Variants in MAGI3 observed in about 807,000 individuals in gnomAD.
The protein encoded by MAGI3 is membrane associated guanylate kinase, WW and PDZ domain containing 3.
MAGI3 carries 43 observed loss-of-function variants against 121.8 expected under a neutral mutation model. That is an observed-to-expected ratio of 0.35 (90% confidence interval 0.28 to 0.46). MAGI3 has a LOEUF of 0.46. MAGI3 is among the 20% of genes least tolerant of loss of function. MAGI3 has a pLI of 1.00. For synonymous variants in MAGI3, 553 were observed against 639.3 expected (o/e 0.86, Z 2.04); for missense variants, 1,547 against 1,797.3 (o/e 0.86, Z 2.52).
intron 1 of MAGI3, among the ~76,000 whole-genome samples, chr1:113,542,463 G>A (rs754039359): frequency 3.2e-4 from 48 of 152,160 alleles, no homozygotes; most frequent in Non-Finnish European, 6.0e-4. Context: ...AACTGAAACC[G>A]TGGAAGACAA....
chr1:113,629,757 T>TCC (rs1553209674), intron 9 of MAGI3, among the ~76,000 whole-genome samples: 27,494 of 95,698 alleles, frequency 0.29, 3,970 homozygotes, highest in South Asian at 0.5. Context: ...TCTCTCTCTC[T>TCC]CTCTCCCTCC....
intron 1 of MAGI3, among the ~76,000 whole-genome samples, chr1:113,526,074 A>T (rs1254455979): frequency 6.6e-6 from 1 of 152,186 alleles, no homozygotes; most frequent in Non-Finnish European, 1.5e-5. Context: ...TAAAGAAAAA[A>T]ATTAGACCAA....
chr1:113,519,766 G>A (rs1201208133), intron 1 of MAGI3, among the ~76,000 whole-genome samples: 2 of 152,156 alleles, frequency 1.3e-5, no homozygotes, highest in African/African-American at 4.8e-5. Context: ...TTTTATGGAG[G>A]CTTGTCACAT....
At chr1:113,603,971 G>A (rs1482936367) in intron 6 of MAGI3, among the ~76,000 whole-genome samples, 1 of 152,052 alleles carries the variant, frequency 6.6e-6, no homozygotes, top group Non-Finnish European at 1.5e-5. Context: ...AGAGTAATAA[G>A]TCAAAAAGCA....
At chr1:113,473,842 A>G (rs1326248913) in intron 1 of MAGI3, among the ~76,000 whole-genome samples, 1 of 152,214 alleles carries the variant, frequency 6.6e-6, no homozygotes, top group African/African-American at 2.4e-5. Flanking sequence ...GAATCGCCAC[A>G]CTGTCTTCCA....
At chr1:113,600,958 A>C (rs1376154026) in intron 6 of MAGI3, among the ~76,000 whole-genome samples, 1 of 152,182 alleles carries the variant, frequency 6.6e-6, no homozygotes, top group Non-Finnish European at 1.5e-5. Flanking sequence ...TGAGAAAAAC[A>C]AGCAATGGGG....
At chr1:113,468,740 G>T (rs953370912) in intron 1 of MAGI3, among the ~76,000 whole-genome samples, 4 of 151,960 alleles carry the variant, frequency 2.6e-5, no homozygotes, top group African/African-American at 9.7e-5. Context: ...AATATATTTG[G>T]TTAAATAAAT....
At chr1:113,552,199 CT>C (rs1362493728) in intron 2 of MAGI3, among the ~76,000 whole-genome samples, 1 of 151,890 alleles carries the variant, frequency 6.6e-6, no homozygotes, top group Non-Finnish European at 1.5e-5. Context: ...ACCACCAATC[CT>C]TATGTTGTTA....
intron 1 of MAGI3, among the ~76,000 whole-genome samples, chr1:113,543,406 AG>A (rs1276047447): frequency 6.6e-6 from 1 of 152,234 alleles, no homozygotes; most frequent in Non-Finnish European, 1.5e-5. Flanking sequence ...AATTTATTTT[AG>A]TGTTTTGACT....
chr1:113,482,607 G>C (rs1410785457), intron 1 of MAGI3, among the ~76,000 whole-genome samples: 3 of 150,430 alleles, frequency 2.0e-5, no homozygotes, highest in African/African-American at 7.3e-5. Flanking sequence ...AAAGTGCTGG[G>C]CTTGAAAGTG....
intron 1 of MAGI3, among the ~76,000 whole-genome samples, chr1:113,435,294 T>C (rs1457104797): frequency 6.6e-6 from 1 of 152,130 alleles, no homozygotes; most frequent in Non-Finnish European, 1.5e-5. Flanking sequence ...TCACCAAAGA[T>C]GATTATTTTT....
At chr1:113,529,325 G>C (rs1374112815) in intron 1 of MAGI3, among the ~76,000 whole-genome samples, 3 of 152,230 alleles carry the variant, frequency 2.0e-5, no homozygotes, top group Non-Finnish European at 4.4e-5. Context: ...TGGAGGCTGG[G>C]AAGTACTAGG....
Position 113,646,581 on chromosome 1 carries a change from A to T in MAGI3, c.2094A>T (p.Gly698=). 1 of 1,613,584 alleles carries T rather than the reference A, an allele frequency of 6.2e-7. No homozygotes were observed. The highest frequency in any genetic ancestry group is 8.5e-7 in the Non-Finnish European group (1 of 1,179,674). The part of the protein sequence containing the change: ...MPFPPSIIRS[G]SPKLDPSEVY... ...TTCCACCGAGCATTATCAGGTCAGGATCCCCAAAATTGGATCCTTCTGAGG... is the reference window on the plus strand; with the variant it reads ...TTCCACCGAGCATTATCAGGTCAGGTTCCCCAAAATTGGATCCTTCTGAGG... The change falls in exon 12 of 21, where the codon GGA becomes GGT. Residue 698 remains glycine, a synonymous_variant. Transcript: ENST00000307546.
At chr1:113,397,782 CAT>C (rs1651193879) in intron 1 of MAGI3, among the ~76,000 whole-genome samples, 1 of 152,052 alleles carries the variant, frequency 6.6e-6, no homozygotes, top group Admixed American at 6.6e-5. Context: ...TCATTCCACT[CAT>C]AATGTTATAC....
intron 1 of MAGI3, among the ~76,000 whole-genome samples, chr1:113,533,768 A>G (rs757974146): frequency 2.0e-5 from 3 of 150,836 alleles, no homozygotes; most frequent in Non-Finnish European, 4.4e-5. Flanking sequence ...TGGACTGTTT[A>G]AATATCTTTT....
At chr1:113,641,853 C>CA (rs928763714) in intron 9 of MAGI3, 58 bp from the exon 10 acceptor site, 28 of 1,481,710 alleles carry the variant, frequency 1.9e-5, no homozygotes, top group African/African-American at 5.6e-5. Flanking sequence ...GCCCCTCTAG[C>CA]AAAAAAATTA....
intron 1 of MAGI3, among the ~76,000 whole-genome samples, chr1:113,456,117 ATTTTTTTTTTTTTTT>A (rs35038942): frequency 8.8e-6 from 1 of 113,248 alleles, no homozygotes; most frequent in Admixed American, 1.0e-4. Flanking sequence ...CGCCCGGCTA[ATTTTTTTTTTTTTTT>A]TTTTTTGTAT....
chr1:113,457,298 T>A (rs1293280621), intron 1 of MAGI3, among the ~76,000 whole-genome samples: 1 of 152,190 alleles, frequency 6.6e-6, no homozygotes, highest in African/African-American at 2.4e-5. Flanking sequence ...AGACTTTTCT[T>A]TCAGGAAAGG....
At chr1:113,628,456 C>T (rs1405355429) in intron 9 of MAGI3, among the ~76,000 whole-genome samples, 1 of 151,976 alleles carries the variant, frequency 6.6e-6, no homozygotes, top group Non-Finnish European at 1.5e-5. Context: ...AGTATGTTAC[C>T]CACCACAATT....
Sources: gnomAD v4.1 joint callset for allele counts (sites outside exome capture counted in the v4.1 genomes callset) on GRCh38, gnomAD v4.1.1 for gene constraint, MANE v1.5 for transcripts, NCBI Gene and HGNC (gene_info 2026-07-23, HGNC 2026-07-21) for gene names.